The following RPH3A variants were observed in gnomAD, a reference collection of about 807,000 sequenced individuals.
RPH3A encodes rabphilin 3A, also known as rabphilin-3A.
RPH3A carries 48 observed loss-of-function variants against 102.2 expected under a neutral mutation model. The ratio of observed to expected loss-of-function variants is 0.47; its 90% CI spans 0.37 to 0.60. The LOEUF (loss-of-function observed/expected upper bound fraction) is 0.60, where lower values mean the gene tolerates loss of function less well. Among genes scored for constraint, RPH3A ranks in the 20% least tolerant of loss-of-function variants. The pLI is 0.00. For synonymous variants in RPH3A, 310 were observed against 324.3 expected, an observed-to-expected ratio of 0.96 and a Z score of 0.47; for missense variants, 781 against 910.1, an observed-to-expected ratio of 0.86 and a Z score of 1.83.
chr12:112,864,735 A>G (rs2042578876), intron 5 of RPH3A, among the ~76,000 whole-genome samples: 1 of 152,194 alleles, frequency 6.6e-6, no homozygotes, highest in Non-Finnish European at 1.5e-5. Context: ...AGCTTCCAGG[A>G]CATTCATTTT....
chr12:112,768,997 G>C (rs1334241851), intron 1 of RPH3A, among the ~76,000 whole-genome samples: 1 of 152,154 alleles, frequency 6.6e-6, no homozygotes, highest in African/African-American at 2.4e-5. Context: ...ATTGTTTCCT[G>C]TTATTCTTAT....
rs142010150 is a variant in RPH3A, at chr12:112,610,255, C to A, written c.-140+34936C>A. On this transcript the variant is annotated intron_variant, in intron 1 of 21. Coordinates refer to the RPH3A transcript ENST00000543106. Reference sequence around the variant, plus strand: ...AGGTGGCTCATGCCTATAATCCCAGCACTTTGGGAGGCCAAGCGAGGCAGA... The same window carrying A: ...AGGTGGCTCATGCCTATAATCCCAGAACTTTGGGAGGCCAAGCGAGGCAGA... Among the ~76,000 whole-genome samples, 558 of 152,266 alleles carry A rather than the reference C, an allele frequency of 3.7e-3. 3 individuals carry two copies. Among genetic ancestry groups the A allele is most frequent in the African/African-American group, 0.013 (530 of 41,562 alleles).
In RPH3A at chr12:112,719,860, A is replaced by C. The variant is rs973075823; in HGVS notation, c.-139-72283A>C. Among the ~76,000 whole-genome samples, 12 of 152,184 alleles carry C rather than the reference A, an allele frequency of 7.9e-5. 1 individual carries two copies. The South Asian group carries it at 2.3e-3, about 29-fold the overall frequency. The stretch of plus-strand genomic sequence containing the variant: ...TAGATACTGCTGCAGAACTTTGTAT[A>C]TGCTGCATCTCACCACCACCTTGTT... On this transcript the variant is annotated intron_variant, in intron 1 of 21. Transcript: ENST00000543106.
At chr12:112,784,843 C>T (rs920326378) in intron 1 of RPH3A, among the ~76,000 whole-genome samples, 3 of 152,196 alleles carry the variant, frequency 2.0e-5, no homozygotes, top group Admixed American at 6.5e-5. Flanking sequence ...ACTTGGGAGA[C>T]GAAAGGTTCT....
chr12:112,854,187 C>T (rs900458719), intron 5 of RPH3A, among the ~76,000 whole-genome samples: 6 of 152,168 alleles, frequency 3.9e-5, no homozygotes, highest in Admixed American at 2.6e-4. Context: ...GGTTTAATTC[C>T]CTACCCAGTT....
intron 1 of RPH3A, among the ~76,000 whole-genome samples, chr12:112,754,072 G>A (rs1370474913): frequency 6.6e-6 from 1 of 152,162 alleles, no homozygotes; most frequent in African/African-American, 2.4e-5. Context: ...AAGGAGTGCA[G>A]CGCTGACAAT....
intron 4 of RPH3A, among the ~76,000 whole-genome samples, chr12:112,839,855 G>T (rs567280417): frequency 1.4e-4 from 22 of 152,274 alleles, no homozygotes; most frequent in Non-Finnish European, 2.5e-4. Flanking sequence ...TGGGTGTGGT[G>T]GTGCATGCCT....
At chr12:112,834,270 A>G (rs1385740414) in intron 3 of RPH3A, among the ~76,000 whole-genome samples, 2 of 152,168 alleles carry the variant, frequency 1.3e-5, no homozygotes, top group Non-Finnish European at 2.9e-5. Context: ...ACTCAGTGTA[A>G]TTATTTTGAG....
At chr12:112,685,794 G>A (rs181239304) in intron 1 of RPH3A, among the ~76,000 whole-genome samples, 3 of 152,250 alleles carry the variant, frequency 2.0e-5, no homozygotes, top group African/African-American at 7.2e-5. Flanking sequence ...CTTTCATGCT[G>A]GAGGATTTCT....
Position 112,695,839 on chromosome 12 carries a change from A to G in RPH3A, c.-139-96304A>G, listed in dbSNP as rs554155870. Reference sequence around the variant, plus strand: ...TTTTTTTTGCTACTAGTTATCATTTATTATTATTTTTATTTCAGTAGTTTT... The same window carrying G: ...TTTTTTTTGCTACTAGTTATCATTTGTTATTATTTTTATTTCAGTAGTTTT... On this transcript the variant is annotated intron_variant, in intron 1 of 21. Coordinates refer to the RPH3A transcript ENST00000543106. Among the ~76,000 whole-genome samples the G allele has an allele frequency of 9.9e-5, 15 of 152,212 alleles. No homozygotes were observed. In the East Asian group the frequency reaches 2.9e-3, roughly 29 times the overall value.
intron 1 of RPH3A, among the ~76,000 whole-genome samples, chr12:112,691,437 T>A (rs2040306846): frequency 6.6e-6 from 1 of 152,246 alleles, no homozygotes; most frequent in African/African-American, 2.4e-5. Flanking sequence ...GAGATCCTGC[T>A]GAGCATATGG....
At chr12:112,852,460 G>T (rs757736103) in intron 5 of RPH3A, among the ~76,000 whole-genome samples, 18 of 152,180 alleles carry the variant, frequency 1.2e-4, no homozygotes, top group Non-Finnish European at 2.1e-4. Flanking sequence ...TATCTCCAGG[G>T]ATCTGAGGAC....
At chr12:112,640,827 C>T (rs1032568720) in intron 1 of RPH3A, among the ~76,000 whole-genome samples, 2 of 152,148 alleles carry the variant, frequency 1.3e-5, no homozygotes, top group Non-Finnish European at 2.9e-5. Flanking sequence ...TCTTCCTCAA[C>T]GCTCTAGATT....
intron 2 of RPH3A, among the ~76,000 whole-genome samples, chr12:112,804,802 C>A (rs1390937159): frequency 2.6e-5 from 4 of 152,172 alleles, no homozygotes; most frequent in Admixed American, 6.5e-5. Context: ...TAGGAATGAA[C>A]CTCTTAGGAT....
chr12:112,713,830 A>T (rs2040496885), intron 1 of RPH3A, among the ~76,000 whole-genome samples: 1 of 152,182 alleles, frequency 6.6e-6, no homozygotes, highest in Admixed American at 6.5e-5. Flanking sequence ...CGAATTAGTT[A>T]TTGTTACAGG....
intron 1 of RPH3A, among the ~76,000 whole-genome samples, chr12:112,714,168 C>T (rs1023971778): frequency 5.9e-5 from 9 of 152,066 alleles, no homozygotes; most frequent in African/African-American, 1.2e-4. Context: ...GGAGAGGGCA[C>T]GAGCAGCCTC....
chr12:112,580,283 C>A (rs2039388142), intron 1 of RPH3A, among the ~76,000 whole-genome samples: 1 of 151,880 alleles, frequency 6.6e-6, no homozygotes. Context: ...TATCTCCCCA[C>A]CCCCTGTCTT....
At chr12:112,893,520 T>C (rs1218802658) in intron 19 of RPH3A, 1 of 152,340 alleles carries the variant, frequency 6.6e-6, no homozygotes, top group Non-Finnish European at 1.5e-5. Context: ...GTTTGGTTTG[T>C]GTTTTGTTCT....
At chr12:112,836,678 T>A (rs1033498921) in intron 4 of RPH3A, among the ~76,000 whole-genome samples, 176 bp downstream of exon 4, 4 of 151,826 alleles carry the variant, frequency 2.6e-5, no homozygotes, top group Non-Finnish European at 5.9e-5. Context: ...TAGGAAAAAA[T>A]ATTTATAAAA....
Sources: gnomAD v4.1 joint callset for allele counts (sites outside exome capture counted in the v4.1 genomes callset) on GRCh38, gnomAD v4.1.1 for gene constraint, MANE v1.5 for transcripts, NCBI Gene and HGNC (gene_info 2026-07-23, HGNC 2026-07-21) for gene names.